Variants in AGBL4 observed in about 807,000 individuals in gnomAD.
AGBL4 encodes the protein cytosolic carboxypeptidase 6.
A neutral mutation model predicts 66.4 loss-of-function variants in AGBL4; 58 were observed. The ratio of observed to expected loss-of-function variants is 0.87; its 90% CI spans 0.71 to 1.09. The LOEUF is 1.09. AGBL4 is among the 50% of genes least tolerant of loss of function. The probability of loss-of-function intolerance (pLI) is 0.00; values close to 1 mark genes in which losing one functional copy is unlikely to be tolerated. For synonymous variants in AGBL4, 234 were observed against 222.9 expected, an observed-to-expected ratio of 1.05 and a Z score of -0.44; for missense variants, 579 against 631.0, an observed-to-expected ratio of 0.92 and a Z score of 0.88.
chr1:49,060,840 C>G (rs1644390507), intron 4 of AGBL4, among the ~76,000 whole-genome samples: 1 of 152,180 alleles, frequency 6.6e-6, no homozygotes, highest in Non-Finnish European at 1.5e-5. Context: ...ACTGAGCCCC[C>G]AGTGGAAAGA....
At chr1:49,129,901 A>C (rs1315447823) in intron 4 of AGBL4, among the ~76,000 whole-genome samples, 1 of 152,176 alleles carries the variant, frequency 6.6e-6, no homozygotes, top group East Asian at 1.9e-4. Context: ...TGACCTCCAC[A>C]ATGGTTGAAC....
At chr1:50,014,045 T>C (rs965506354) in intron 1 of AGBL4, among the ~76,000 whole-genome samples, 1 of 152,188 alleles carries the variant, frequency 6.6e-6, no homozygotes, top group African/African-American at 2.4e-5. Flanking sequence ...CTATTTATTA[T>C]GTCACACTGT....
chr1:48,824,205 A>G (rs1030120989), intron 6 of AGBL4, among the ~76,000 whole-genome samples: 1 of 152,228 alleles, frequency 6.6e-6, no homozygotes, highest in Non-Finnish European at 1.5e-5. Flanking sequence ...TAAGTGGCTC[A>G]CAATGGGGGA....
intron 2 of AGBL4, among the ~76,000 whole-genome samples, chr1:49,831,545 T>A (rs1645679079): frequency 1.3e-5 from 2 of 152,228 alleles, no homozygotes; most frequent in African/African-American, 4.8e-5. Flanking sequence ...TACAATCATG[T>A]CAATATGCAA....
At chr1:49,202,468 C>T (rs1449391133) in intron 4 of AGBL4, among the ~76,000 whole-genome samples, 1 of 152,044 alleles carries the variant, frequency 6.6e-6, no homozygotes, top group Non-Finnish European at 1.5e-5. Context: ...AAAAAATAAA[C>T]CTTCACATAT....
At chr1:49,798,575 G>A (rs561464674) in intron 2 of AGBL4, among the ~76,000 whole-genome samples, 6 of 152,154 alleles carry the variant, frequency 3.9e-5, no homozygotes, top group South Asian at 2.1e-4. Context: ...GAATATAACC[G>A]CATTCCAAAT....
chr1:48,620,031 A>T (rs320029), intron 9 of AGBL4, among the ~76,000 whole-genome samples: 75,370 of 152,016 alleles, frequency 0.5, 20,749 homozygotes, highest in Middle Eastern at 0.67. Context: ...AAACTCTCGG[A>T]ATGAAGGAAA....
At chr1:49,100,932 A>T (rs771006364) in intron 4 of AGBL4, among the ~76,000 whole-genome samples, 4 of 152,152 alleles carry the variant, frequency 2.6e-5, no homozygotes, top group Non-Finnish European at 5.9e-5. Flanking sequence ...ATAAGACTTC[A>T]GTAAGGTGAT....
At chr1:49,831,303 C>T (rs999188303) in intron 2 of AGBL4, among the ~76,000 whole-genome samples, 6 of 152,096 alleles carry the variant, frequency 3.9e-5, no homozygotes, top group Non-Finnish European at 7.4e-5. Flanking sequence ...GTTTGTAGTT[C>T]TCCTTGAAGA....
At chr1:49,258,985 G>C (rs927651473) in intron 3 of AGBL4, among the ~76,000 whole-genome samples, 11 of 152,208 alleles carry the variant, frequency 7.2e-5, no homozygotes, top group Non-Finnish European at 1.3e-4. Context: ...AGCCAGAAGA[G>C]AGTGGGGGCC....
rs1225245756 is a variant in AGBL4 at position 49,876,195 on chromosome 1, C to T, written c.35-24677G>A. On this transcript the variant is annotated intron_variant, in intron 1 of 13. Transcript: ENST00000371839. ...CATTTGTCAATTTTGGCTTTGGTTG[C>T]CATTGCTTTTGGTGTTTTGGACATG... Among the ~76,000 whole-genome samples the T allele has an allele frequency of 1.3e-3, 179 of 141,190 alleles. 1 individual carries two copies. The highest frequency in any genetic ancestry group is 4.5e-3 in the African/African-American group (169 of 37,342). 92.6% of individuals were successfully genotyped at this position (141,190 alleles called of 152,430 possible).
chr1:49,193,006 G>A, intron 4 of AGBL4, among the ~76,000 whole-genome samples: 1 of 152,196 alleles, frequency 6.6e-6, no homozygotes, highest in East Asian at 1.9e-4. Context: ...TAGTTTGTGA[G>A]AGTTTGTCCA....
intron 4 of AGBL4, among the ~76,000 whole-genome samples, chr1:49,120,580 G>A (rs1645632306): frequency 6.6e-6 from 1 of 152,120 alleles, no homozygotes; most frequent in African/African-American, 2.4e-5. Flanking sequence ...AGTCTGATGG[G>A]TTTCCCTTTG....
At chr1:49,809,943 A>G (rs1645061288) in intron 2 of AGBL4, among the ~76,000 whole-genome samples, 1 of 152,196 alleles carries the variant, frequency 6.6e-6, no homozygotes, top group Admixed American at 6.5e-5. Flanking sequence ...GCTATCTCCA[A>G]TAATACCTTC....
intron 6 of AGBL4, among the ~76,000 whole-genome samples, chr1:48,770,397 G>A (rs1285504965): frequency 1.3e-5 from 2 of 152,084 alleles, no homozygotes; most frequent in African/African-American, 2.4e-5. Flanking sequence ...ATCTCTGCTG[G>A]TTATCCCCTG....
chr1:49,407,315 G>A (rs1203361185), intron 3 of AGBL4, among the ~76,000 whole-genome samples: 1 of 152,020 alleles, frequency 6.6e-6, no homozygotes, highest in East Asian at 1.9e-4. Context: ...AGAGGGCATT[G>A]CTTAGCAGAC....
intron 3 of AGBL4, among the ~76,000 whole-genome samples, chr1:49,498,876 G>C (rs1647862013): frequency 6.6e-6 from 1 of 151,958 alleles, no homozygotes; most frequent in Non-Finnish European, 1.5e-5. Flanking sequence ...TTTAAATTAT[G>C]TTGAACCATC....
intron 3 of AGBL4, among the ~76,000 whole-genome samples, chr1:49,683,027 C>G (rs919950838): frequency 1.3e-5 from 2 of 152,290 alleles, no homozygotes; most frequent in Admixed American, 1.3e-4. Context: ...AGGTCTTAGA[C>G]TGATGTTTGC....
At chr1:49,504,688 T>G (rs1175989439) in intron 3 of AGBL4, among the ~76,000 whole-genome samples, 2 of 152,106 alleles carry the variant, frequency 1.3e-5, no homozygotes, top group African/African-American at 4.8e-5. Flanking sequence ...TCCATTTGCA[T>G]GGCATATCTT....
Sources: gnomAD v4.1 joint callset for allele counts (sites outside exome capture counted in the v4.1 genomes callset) on GRCh38, gnomAD v4.1.1 for gene constraint, MANE v1.5 for transcripts, NCBI Gene and HGNC (gene_info 2026-07-23, HGNC 2026-07-21) for gene names.